The following RBMS3 variants were observed in gnomAD, a reference collection of about 807,000 sequenced individuals.
The protein encoded by RBMS3 is RNA binding motif single stranded interacting protein 3.
In RBMS3, 27 loss-of-function variants were observed where a neutral mutation model predicts 66.8. The ratio of observed to expected loss-of-function variants is 0.40; its 90% CI spans 0.30 to 0.56. The LOEUF is 0.56. Ranked by LOEUF, RBMS3 falls within the 20% of genes least tolerant of loss-of-function variation. The pLI is 0.40. For missense variants in RBMS3, 513 were observed against 549.5 expected (o/e 0.93, Z 0.66); for synonymous variants, 188 against 183.0 (o/e 1.03, Z -0.22).
chr3:29,636,327 C>T (rs2049473038), intron 4 of RBMS3, among the ~76,000 whole-genome samples: 2 of 151,800 alleles, frequency 1.3e-5, no homozygotes, highest in Admixed American at 6.6e-5. Flanking sequence ...AGTTGGCTGC[C>T]TTTTAACTTA....
At chr3:29,750,178 TTTAA>T (rs112435844) in intron 5 of RBMS3, among the ~76,000 whole-genome samples, 18,944 of 152,160 alleles carry the variant, frequency 0.12, 2,635 homozygotes, top group African/African-American at 0.35. Context: ...GTATCAGCTT[TTTAA>T]TTAGAGTTCT....
intron 4 of RBMS3, among the ~76,000 whole-genome samples, chr3:29,725,925 A>G (rs2149328046): frequency 6.6e-6 from 1 of 152,306 alleles, no homozygotes; most frequent in South Asian, 2.1e-4. Flanking sequence ...TTTCAGGCCA[A>G]TACTCCTGAT....
chr3:29,526,078 A>C (rs2045082820), intron 3 of RBMS3, among the ~76,000 whole-genome samples: 1 of 152,116 alleles, frequency 6.6e-6, no homozygotes, highest in Non-Finnish European at 1.5e-5. Context: ...GGGAGTCTCT[A>C]ACCGCTCAAA....
At chr3:29,497,576 A>C (rs561915762) in intron 3 of RBMS3, among the ~76,000 whole-genome samples, 1 of 152,282 alleles carries the variant, frequency 6.6e-6, no homozygotes, top group African/African-American at 2.4e-5. Context: ...TGCTTCCAAA[A>C]GTCACCTTCT....
intron 8 of RBMS3, among the ~76,000 whole-genome samples, chr3:29,884,719 A>G (rs1467037056): frequency 6.6e-6 from 1 of 151,896 alleles, no homozygotes; most frequent in Non-Finnish European, 1.5e-5. Context: ...AACAAGTCAT[A>G]TAGCTTAAAC....
At chr3:29,430,233 G>C (rs551058565) in intron 1 of RBMS3, among the ~76,000 whole-genome samples, 34 of 152,168 alleles carry the variant, frequency 2.2e-4, no homozygotes, top group African/African-American at 8.2e-4. Context: ...AAATACTAAA[G>C]ATAAGGAAGA....
intron 1 of RBMS3, among the ~76,000 whole-genome samples, chr3:29,296,881 T>TC (rs1559468531): frequency 6.7e-6 from 1 of 149,476 alleles, no homozygotes; most frequent in Non-Finnish European, 1.5e-5. Flanking sequence ...AAGATGACCT[T>TC]TTTTTTTTTA....
chr3:29,527,177 A>G, intron 3 of RBMS3, among the ~76,000 whole-genome samples: 1 of 95,464 alleles, frequency 1.0e-5, no homozygotes, highest in Non-Finnish European at 2.1e-5. Context: ...ATTGTTAGGT[A>G]GAGTAAAAAA....
chr3:29,552,364 T>C (rs970046286), intron 3 of RBMS3, among the ~76,000 whole-genome samples: 2 of 152,172 alleles, frequency 1.3e-5, no homozygotes, highest in Admixed American at 1.3e-4. Context: ...TAGACATCCA[T>C]AGTCAGGGTA....
At chr3:29,344,971 C>A (rs1414361900) in intron 1 of RBMS3, among the ~76,000 whole-genome samples, 1 of 152,202 alleles carries the variant, frequency 6.6e-6, no homozygotes, top group Non-Finnish European at 1.5e-5. Context: ...TGTCTTTCCA[C>A]AAAGGGCTGG....
chr3:29,819,985 A>T (rs1459630079), intron 6 of RBMS3, among the ~76,000 whole-genome samples: 1 of 152,048 alleles, frequency 6.6e-6, no homozygotes, highest in Admixed American at 6.6e-5. Flanking sequence ...ACTTGAGTCC[A>T]GGAGTTTGAG....
Position 29,623,171 on chromosome 3 carries a change from T to TGG in RBMS3, c.399+35976_399+35977dup, listed in dbSNP as rs57405166. 5.6e-3 allele frequency among the ~76,000 whole-genome samples: 609 copies of TGG among 107,882 alleles called. 7 individuals are homozygous for TGG. Among genetic ancestry groups the TGG allele is most frequent in the Admixed American group, 0.029 (278 of 9,740 alleles). The allele number at this position is 107,882 out of a possible 152,430, so 70.8% of individuals were successfully genotyped here. A position where few individuals can be genotyped will look rare whatever the true frequency, so the allele number is the denominator to read the frequency against. On this transcript the variant is annotated intron_variant, in intron 4 of 14. Coordinates refer to ENST00000383767, the MANE Select transcript of RBMS3 (RefSeq NM_001003793.3). ...AGAATTAAAGGGGATTAAATTAACT[T>TGG]GGGGGGGGGGGTCTAAATTATTATT... is the stretch of plus-strand genomic sequence containing the variant.
At chr3:29,369,928 A>T (rs2038111347) in intron 1 of RBMS3, among the ~76,000 whole-genome samples, 1 of 152,076 alleles carries the variant, frequency 6.6e-6, no homozygotes, top group Non-Finnish European at 1.5e-5. Context: ...AACCTCCGAG[A>T]CTTTGGCTTA....
intron 4 of RBMS3, among the ~76,000 whole-genome samples, chr3:29,594,957 A>G (rs1190533753): frequency 6.6e-6 from 1 of 152,210 alleles, no homozygotes; most frequent in Non-Finnish European, 1.5e-5. Context: ...GCATATGTAT[A>G]CTAGTAAAAT....
chr3:29,704,498 C>G (rs546871947), intron 4 of RBMS3, among the ~76,000 whole-genome samples: 16 of 152,336 alleles, frequency 1.1e-4, no homozygotes, highest in Admixed American at 2.6e-4. Flanking sequence ...CAACTCATTT[C>G]TATCCAATTG....
intron 6 of RBMS3, among the ~76,000 whole-genome samples, chr3:29,777,454 C>G (rs113440560): frequency 6.6e-6 from 1 of 151,812 alleles, no homozygotes; most frequent in Non-Finnish European, 1.5e-5. Context: ...TCTCTTAATG[C>G]GTTTTATTAG....
At chr3:29,658,430 T>TA (rs2050400743) in intron 4 of RBMS3, among the ~76,000 whole-genome samples, 1 of 152,200 alleles carries the variant, frequency 6.6e-6, no homozygotes, top group Admixed American at 6.5e-5. Context: ...TGATATTGAT[T>TA]TTGCTGGTTC....
intron 6 of RBMS3, among the ~76,000 whole-genome samples, chr3:29,777,535 CT>C (rs999542861): frequency 3.3e-5 from 5 of 151,858 alleles, no homozygotes; most frequent in South Asian, 2.1e-4. Flanking sequence ...TGACATAATA[CT>C]TTTTTTGGTA....
At chr3:29,421,255 A>T (rs1344118002) in intron 1 of RBMS3, among the ~76,000 whole-genome samples, 1 of 152,194 alleles carries the variant, frequency 6.6e-6, no homozygotes, top group East Asian at 1.9e-4. Context: ...GAATGTATAA[A>T]TGTATTACTA....
Sources: gnomAD v4.1 joint callset for allele counts (sites outside exome capture counted in the v4.1 genomes callset) on GRCh38, gnomAD v4.1.1 for gene constraint, MANE v1.5 for transcripts, NCBI Gene and HGNC (gene_info 2026-07-23, HGNC 2026-07-21) for gene names.